FAM169A: variants seen among roughly 807,000 people sequenced by gnomAD.
FAM169A encodes the protein family with sequence similarity 169 member A, also known as soluble lamin-associated protein of 75 kDa.
Under a neutral mutation model 75.7 loss-of-function variants are expected in FAM169A, and 24 were observed. The ratio of observed to expected loss-of-function variants is 0.32; its 90% CI spans 0.23 to 0.45. FAM169A has a LOEUF of 0.45. Among genes scored for constraint, FAM169A ranks in the 20% least tolerant of loss-of-function variants. The pLI is 1.00. For missense variants in FAM169A, 673 were observed against 784.0 expected (o/e 0.86, Z 1.69); for synonymous variants, 271 against 271.0 (o/e 1.00, Z 0.00).
chr5:74,857,422 G>T (rs926313679), intron 1 of FAM169A, among the ~76,000 whole-genome samples: 2 of 151,516 alleles, frequency 1.3e-5, no homozygotes, highest in Non-Finnish European at 2.9e-5. Flanking sequence ...ATGGTGGTAC[G>T]CACCTGTAGT....
chr5:74,793,323 CAAAAAAAAAAAA>C (rs916752737), intron 11 of FAM169A, among the ~76,000 whole-genome samples: 2 of 65,434 alleles, frequency 3.1e-5, no homozygotes, highest in Non-Finnish European at 6.3e-5. Context: ...GAGTCCATTT[CAAAAAAAAAAAA>C]AAAAAAAGTG....
chr5:74,829,942 C>T (rs1748227584), intron 5 of FAM169A, among the ~76,000 whole-genome samples: 1 of 151,986 alleles, frequency 6.6e-6, no homozygotes. Flanking sequence ...CACTGTACTC[C>T]AGCCAGCCTG....
chr5:74,848,459 A>C (rs1386136659), intron 1 of FAM169A, among the ~76,000 whole-genome samples: 1 of 152,184 alleles, frequency 6.6e-6, no homozygotes, highest in African/African-American at 2.4e-5. Context: ...AATCAAATAT[A>C]GTATTTGTCA....
At chr5:74,795,387 G>A (rs1431718894) in intron 11 of FAM169A, among the ~76,000 whole-genome samples, 7 of 152,038 alleles carry the variant, frequency 4.6e-5, no homozygotes, top group Admixed American at 3.9e-4. Context: ...GAGAATCTGT[G>A]GAAAGGAAAA....
intron 11 of FAM169A, among the ~76,000 whole-genome samples, chr5:74,792,743 T>TA (rs1746044560): frequency 1.3e-5 from 2 of 152,012 alleles, no homozygotes; most frequent in Admixed American, 1.3e-4. Flanking sequence ...ATGGCCACAA[T>TA]AAAAAATAGA....
intron 5 of FAM169A, among the ~76,000 whole-genome samples, chr5:74,823,661 G>A (rs6877442): frequency 0.23 from 35,138 of 151,972 alleles, 4,284 homozygotes; most frequent in Middle Eastern, 0.3. Context: ...TTATTGGCAA[G>A]CAAGTGGTTT....
chr5:74,837,417 T>C (rs969950077), intron 4 of FAM169A, among the ~76,000 whole-genome samples: 3 of 152,140 alleles, frequency 2.0e-5, no homozygotes, highest in African/African-American at 7.2e-5. Context: ...CCTACCACTT[T>C]GGGAATCTTA....
At position 74,796,173 on chromosome 5, in the gene FAM169A, C is replaced by T. The variant is rs1448644637; in HGVS notation, c.1117G>A (p.Ala373Thr). 1 of 1,605,720 alleles carries T rather than the reference C, an allele frequency of 6.2e-7. No homozygotes were observed. Among genetic ancestry groups the T allele is most frequent in the Non-Finnish European group, 8.5e-7 (1 of 1,177,942 alleles). ...TASINKLEST[A>T]RPSESSEEFL... ...TCTTCTGAGCTCTCTGATGGGCGTG[C>T]AGTAGACTCCAATCTAAAAAACAAA... is the stretch of plus-strand genomic sequence containing the variant. The change falls in exon 11 of 13, where the codon GCA becomes ACA. Residue 373 changes from alanine (A) to threonine (T), a missense_variant. This residue lies in a region of FAM169A where 510 missense variants were observed against 550.9 expected (regional missense o/e 0.93). Coordinates refer to ENST00000687041, the MANE Select transcript of FAM169A (RefSeq NM_001376049.1).
chr5:74,784,390 G>T (rs1185071388), intron 11 of FAM169A, among the ~76,000 whole-genome samples: 1 of 151,276 alleles, frequency 6.6e-6, no homozygotes, highest in Non-Finnish European at 1.5e-5. Context: ...CTCGCCTGTA[G>T]TCCCAGCTAC....
chr5:74,790,295 C>A (rs1231746278), intron 11 of FAM169A, among the ~76,000 whole-genome samples: 1 of 152,204 alleles, frequency 6.6e-6, no homozygotes, highest in Non-Finnish European at 1.5e-5. Flanking sequence ...AGCCCCTTTC[C>A]TGAAGGACAC....
chr5:74,847,671 A>G (rs1257448545), intron 1 of FAM169A, among the ~76,000 whole-genome samples: 2 of 152,222 alleles, frequency 1.3e-5, no homozygotes, highest in Admixed American at 6.5e-5. Context: ...CGCCAGTAGT[A>G]TGTCAGCACA....
Position 74,793,878 on chromosome 5 carries a change from C to T in FAM169A, c.1260+2152G>A, listed in dbSNP as rs182743194. On this transcript the variant is annotated intron_variant, in intron 11 of 12. Transcript: ENST00000687041. Reference sequence around the variant, plus strand: ...ATTAGCAGGGCATGGTGGCAGGCGCCTGTAGTCCCAGCTACTCAGAAGGCT... The same window carrying T: ...ATTAGCAGGGCATGGTGGCAGGCGCTTGTAGTCCCAGCTACTCAGAAGGCT... Among the ~76,000 whole-genome samples the T allele has an allele frequency of 9.2e-5, 14 of 151,488 alleles. No individual in the cohort carries two copies. In the East Asian group the frequency reaches 2.5e-3, roughly 27 times the overall value.
chr5:74,815,546 T>C (rs1213061289), intron 5 of FAM169A, among the ~76,000 whole-genome samples: 1 of 152,164 alleles, frequency 6.6e-6, no homozygotes, highest in African/African-American at 2.4e-5. Context: ...AGATTTCTTG[T>C]ACAAATCTAA....
chr5:74,787,498 G>C (rs532551066), intron 11 of FAM169A, among the ~76,000 whole-genome samples: 1 of 152,246 alleles, frequency 6.6e-6, no homozygotes, highest in East Asian at 1.9e-4. Context: ...ACCCTTGACC[G>C]ATGCTTTGCG....
Position 74,841,639 on chromosome 5 carries a change from T to G in FAM169A, c.38A>C (p.His13Pro), listed in dbSNP as rs1748870394. The G allele has an allele frequency of 1.9e-6, 3 of 1,613,092 alleles. No homozygotes were observed. The highest frequency in any genetic ancestry group is 2.5e-6 in the Non-Finnish European group (3 of 1,179,388). ...FPVDMLENCS[H>P]EELENSAEDY... ...TTCAGCAGAATTTTCCAATTCCTCATGGCTGCAATTTTCCAGCATATCCAC... is the reference window on the plus strand; with the variant it reads ...TTCAGCAGAATTTTCCAATTCCTCAGGGCTGCAATTTTCCAGCATATCCAC... Residue 13 changes from histidine to proline, a missense_variant, in exon 2 of 13, where the codon CAT (histidine) becomes CCT (proline). Around this residue, in one of 3 missense-constraint regions of FAM169A, gnomAD observed 56 missense variants for 52.2 expected, o/e 1.07. Coordinates refer to ENST00000687041, the MANE Select transcript of FAM169A (RefSeq NM_001376049.1).
At chr5:74,829,385 T>G (rs538585741) in intron 5 of FAM169A, among the ~76,000 whole-genome samples, 2 of 152,316 alleles carry the variant, frequency 1.3e-5, no homozygotes, top group South Asian at 4.1e-4. Flanking sequence ...TGAATGCAAG[T>G]CACCACGCAG....
intron 1 of FAM169A, among the ~76,000 whole-genome samples, chr5:74,842,329 G>A (rs1354448589): frequency 1.4e-5 from 2 of 144,370 alleles, no homozygotes; most frequent in Non-Finnish European, 3.0e-5. Context: ...GCTGAGGCAG[G>A]AGAATTGCTT....
Position 74,818,704 on chromosome 5 carries a change from A to G in FAM169A, c.491-4685T>C, listed in dbSNP as rs181571400. 3.5e-3 allele frequency among the ~76,000 whole-genome samples: 531 copies of G among 151,756 alleles called. 5 individuals carry two copies. Among genetic ancestry groups the G allele is most frequent in the African/African-American group, 0.012 (509 of 41,328 alleles). ...GGGAACAAATGGGAGAGAGGAATAG[A>G]TTACAAAAGGGCAAAGACAAGATTA... is the stretch of plus-strand genomic sequence containing the variant. On this transcript the variant is annotated intron_variant, in intron 5 of 12. Coordinates refer to ENST00000687041, the MANE Select transcript of FAM169A (RefSeq NM_001376049.1).
At chr5:74,792,519 T>C (rs573869921) in intron 11 of FAM169A, among the ~76,000 whole-genome samples, 7 of 130,754 alleles carry the variant, frequency 5.4e-5, no homozygotes, top group Admixed American at 5.3e-4. Flanking sequence ...ACTGGCTTCC[T>C]TGCTTCCTTG....
Sources: gnomAD v4.1 joint callset for allele counts (sites outside exome capture counted in the v4.1 genomes callset) on GRCh38, gnomAD v4.1.1 for gene constraint, gnomAD v4.1.1 regional missense constraint, MANE v1.5 for transcripts, NCBI Gene and HGNC (gene_info 2026-07-23, HGNC 2026-07-21) for gene names.